ATE1: variants seen among roughly 807,000 people sequenced by gnomAD.
ATE1 encodes arginyl-tRNA--protein transferase 1.
ATE1 carries 36 observed loss-of-function variants against 70.5 expected under a neutral mutation model. The observed-to-expected ratio is 0.51, with a 90% CI of 0.39 to 0.67. The LOEUF (loss-of-function observed/expected upper bound fraction) is 0.67, where lower values mean the gene tolerates loss of function less well. Ranked by LOEUF, ATE1 falls within the 30% of genes least tolerant of loss-of-function variation. ATE1 has a pLI of 0.00. For missense variants in ATE1, 593 were observed against 629.5 expected (o/e 0.94, Z 0.62); for synonymous variants, 232 against 219.3 (o/e 1.06, Z -0.51).
chr10:121,865,602 C>T (rs1007323001), intron 8 of ATE1, among the ~76,000 whole-genome samples: 4 of 152,140 alleles, frequency 2.6e-5, no homozygotes, highest in African/African-American at 9.7e-5. Context: ...GGCCGGGGTC[C>T]GGTGTAAGCC....
chr10:121,766,026 A>C (rs960092611), intron 11 of ATE1, among the ~76,000 whole-genome samples: 3 of 151,656 alleles, frequency 2.0e-5, no homozygotes, highest in African/African-American at 7.3e-5. Flanking sequence ...TTATTCTGAC[A>C]GCTTTACTCT....
chr10:121,809,599 G>T (rs530332704), intron 10 of ATE1, among the ~76,000 whole-genome samples: 105 of 152,074 alleles, frequency 6.9e-4, no homozygotes, highest in Middle Eastern at 3.2e-3. Flanking sequence ...GTGCTAAGAC[G>T]CTAGCAGTTT....
chr10:121,856,806 A>G (rs1388415479), intron 8 of ATE1, among the ~76,000 whole-genome samples: 1 of 152,196 alleles, frequency 6.6e-6, no homozygotes, highest in Non-Finnish European at 1.5e-5. Context: ...TTCAATTTGT[A>G]AAAAACGGTG....
chr10:121,806,769 C>T (rs1475663810), intron 10 of ATE1, among the ~76,000 whole-genome samples: 4 of 152,150 alleles, frequency 2.6e-5, no homozygotes, highest in African/African-American at 4.8e-5. Flanking sequence ...GTATGCAACA[C>T]ATACAAAGAT....
intron 10 of ATE1, among the ~76,000 whole-genome samples, chr10:121,820,106 T>C (rs974828695): frequency 5.3e-5 from 8 of 151,726 alleles, no homozygotes; most frequent in Admixed American, 4.6e-4. Flanking sequence ...CATCCCACTG[T>C]ACTCCAGCCT....
intron 1 of ATE1, among the ~76,000 whole-genome samples, chr10:121,926,124 C>T (rs955960563): frequency 4.6e-5 from 7 of 151,924 alleles, no homozygotes; most frequent in African/African-American, 1.7e-4. Flanking sequence ...CAGGAGAATC[C>T]CTTTAACCTG....
intron 11 of ATE1, among the ~76,000 whole-genome samples, chr10:121,754,736 C>A (rs1207143362): frequency 6.6e-6 from 1 of 152,170 alleles, no homozygotes; most frequent in Non-Finnish European, 1.5e-5. Context: ...CAGCTTTCTA[C>A]AAAATATTTA....
At chr10:121,803,533 G>C (rs1418433895) in intron 10 of ATE1, among the ~76,000 whole-genome samples, 1 of 152,152 alleles carries the variant, frequency 6.6e-6, no homozygotes, top group Non-Finnish European at 1.5e-5. Context: ...TGTTTATAAA[G>C]ATCTGCCTAA....
intron 8 of ATE1, among the ~76,000 whole-genome samples, chr10:121,867,782 G>A (rs1344673298): frequency 6.6e-6 from 1 of 152,120 alleles, no homozygotes; most frequent in Non-Finnish European, 1.5e-5. Flanking sequence ...TATATCAAAT[G>A]TATTTTATAT....
At chr10:121,868,511 C>T (rs1255017486) in intron 8 of ATE1, among the ~76,000 whole-genome samples, 1 of 152,126 alleles carries the variant, frequency 6.6e-6, no homozygotes, top group Non-Finnish European at 1.5e-5. Flanking sequence ...TTGTCTTCAA[C>T]TTTTTTATGG....
intron 10 of ATE1, among the ~76,000 whole-genome samples, chr10:121,797,970 T>C (rs1227468680): frequency 6.6e-6 from 1 of 152,268 alleles, no homozygotes; most frequent in Non-Finnish European, 1.5e-5. Context: ...TAGTCTAACT[T>C]GATCACTAAT....
intron 1 of ATE1, chr10:121,926,810 C>T: frequency 1.0e-6 from 1 of 985,410 alleles, no homozygotes; most frequent in Non-Finnish European, 1.2e-6. Context: ...CATTTGCATC[C>T]TGTTGATTTT....
In ATE1 at chr10:121,841,223, G is replaced by A. The variant is rs1339478000; in HGVS notation, c.1016C>T (p.Ser339Phe). 3 of 1,564,278 alleles carry A rather than the reference G, an allele frequency of 1.9e-6. No individual in the cohort carries two copies. Among genetic ancestry groups the A allele is most frequent in the Non-Finnish European group, 2.6e-6 (3 of 1,150,364 alleles). Residue 339 changes from serine to phenylalanine, a missense_variant, in exon 9 of 12, where the codon TCC becomes TTC. Coordinates refer to ENST00000224652, the MANE Select transcript of ATE1 (RefSeq NM_001001976.3). ...GTCAAGCCAGTACTGCTGGTGAAAG[G>A]AGCCATAGCCACAATCTGGCCCATT... ...PPNGPDCGYG[S>F]FHQQYWLDGK...
At chr10:121,854,602 C>T (rs2099417804) in intron 8 of ATE1, among the ~76,000 whole-genome samples, 1 of 152,146 alleles carries the variant, frequency 6.6e-6, no homozygotes, top group African/African-American at 2.4e-5. Context: ...TTTTCTGCTT[C>T]TCCACTAAGT....
At chr10:121,881,044 C>T (rs1408146056) in intron 7 of ATE1, among the ~76,000 whole-genome samples, 1 of 152,184 alleles carries the variant, frequency 6.6e-6, no homozygotes, top group Non-Finnish European at 1.5e-5. Context: ...AAATTAAGAG[C>T]AGCTTTTACT....
chr10:121,779,706 C>T (rs536620302), intron 11 of ATE1, among the ~76,000 whole-genome samples: 3 of 152,280 alleles, frequency 2.0e-5, no homozygotes, highest in South Asian at 4.1e-4. Flanking sequence ...CCTCTCATCC[C>T]CTTCCTCCAT....
Position 121,826,304 on chromosome 10 carries a change from A to C in ATE1, c.1257+10414T>G, listed in dbSNP as rs558607799. ...TATGTGTATTTTACCACAACCAACA[A>C]GAATGTTTTTTTTTCTTTTTGAGAT... On this transcript the variant is annotated intron_variant, in intron 10 of 11. Coordinates refer to ENST00000224652, the MANE Select transcript of ATE1 (RefSeq NM_001001976.3). 3.2e-4 allele frequency among the ~76,000 whole-genome samples: 48 copies of C among 152,176 alleles called. 1 individual carries two copies. The highest frequency in any genetic ancestry group is 6.5e-4 in the African/African-American group (27 of 41,516).
rs558801184 is a variant in ATE1, at chr10:121,924,204, A to G, written c.170+62T>C. ...TCCAACAGGAAAGCATTTCAAAGGC[A>G]TGCTGTATTTTTCAAGAACCTGAGT... On this transcript the variant is annotated intron_variant, in intron 2 of 11. Transcript: ENST00000224652. 8.1e-6 allele frequency: 12 copies of G among 1,479,342 alleles called. No homozygotes were observed. In the East Asian group the frequency reaches 2.7e-4, roughly 34 times the overall value. 91.6% of individuals were successfully genotyped at this position (1,479,342 alleles called of 1,614,324 possible). A position where few individuals can be genotyped will look rare whatever the true frequency, so the allele number is the denominator to read the frequency against.
At chr10:121,776,133 G>C (rs546912786) in intron 11 of ATE1, among the ~76,000 whole-genome samples, 3 of 151,984 alleles carry the variant, frequency 2.0e-5, no homozygotes, top group Non-Finnish European at 1.5e-5. Flanking sequence ...CAGGGTAATC[G>C]GGACACCAGC....
Sources: gnomAD v4.1 joint callset for allele counts (sites outside exome capture counted in the v4.1 genomes callset) on GRCh38, gnomAD v4.1.1 for gene constraint, MANE v1.5 for transcripts, NCBI Gene and HGNC (gene_info 2026-07-23, HGNC 2026-07-21) for gene names.